Variants in NRXN3 observed in about 807,000 individuals in gnomAD.
NRXN3 encodes the protein neurexin III.
In NRXN3, 32 loss-of-function variants were observed where a neutral mutation model predicts 137.6. That is an observed-to-expected ratio of 0.23 (90% CI 0.18 to 0.31). The LOEUF (loss-of-function observed/expected upper bound fraction) is 0.31. Among genes scored for constraint, NRXN3 ranks in the 10% least tolerant of loss-of-function variants. The pLI is 1.00. For missense variants in NRXN3, 1,574 were observed against 2,062.5 expected (o/e 0.76, Z 4.59); for synonymous variants, 798 against 784.5 (o/e 1.02, Z -0.29).
intron 19 of NRXN3, among the ~76,000 whole-genome samples, chr14:79,757,970 A>G (rs1479610892): frequency 2.6e-5 from 4 of 152,178 alleles, no homozygotes; most frequent in African/African-American, 2.4e-5. Context: ...TAAGAAATAT[A>G]CTTTTTTTCC....
intron 4 of NRXN3, among the ~76,000 whole-genome samples, chr14:78,367,481 A>G (rs1262997105): frequency 1.3e-5 from 2 of 152,170 alleles, no homozygotes; most frequent in African/African-American, 2.4e-5. Flanking sequence ...TCCTCCAGTA[A>G]TACTGATTAT....
At chr14:79,846,011 A>G (rs1366383553) in intron 20 of NRXN3, among the ~76,000 whole-genome samples, 2 of 152,170 alleles carry the variant, frequency 1.3e-5, no homozygotes, top group Admixed American at 6.6e-5. Context: ...TAAGTTCACT[A>G]TCTTATGAGT....
rs77551524 is a variant in NRXN3, at chr14:78,481,171, C to T, written c.758-163949C>T. On this transcript the variant is annotated intron_variant, in intron 4 of 20. Transcript: ENST00000335750. ...AATAAAATGATTTTTAACTAAAACT[C>T]AGAGTCCACAGGTAAGAGGGAGAGA... is the stretch of plus-strand genomic sequence containing the variant. Among the ~76,000 whole-genome samples the T allele has an allele frequency of 6.3e-3, 958 of 152,252 alleles. 7 individuals carry two copies. Among genetic ancestry groups the T allele is most frequent in the African/African-American group, 0.022 (904 of 41,544 alleles).
At chr14:78,687,350 A>G (rs1013621641) in intron 6 of NRXN3, among the ~76,000 whole-genome samples, 1 of 152,198 alleles carries the variant, frequency 6.6e-6, no homozygotes, top group African/African-American at 2.4e-5. Flanking sequence ...GAAGATACAT[A>G]GATGGCTGTT....
chr14:79,452,691 G>A (rs541563920), intron 15 of NRXN3, among the ~76,000 whole-genome samples: 13 of 152,274 alleles, frequency 8.5e-5, no homozygotes, highest in African/African-American at 3.1e-4. Context: ...GGAGGAAGAG[G>A]TATTGAGATG....
chr14:78,628,586 T>C (rs2097489854), intron 4 of NRXN3, among the ~76,000 whole-genome samples: 1 of 152,224 alleles, frequency 6.6e-6, no homozygotes, highest in Non-Finnish European at 1.5e-5. Flanking sequence ...AACACACAGT[T>C]AACTATGTTT....
chr14:78,184,725 G>A (rs191688343), intron 1 of NRXN3, among the ~76,000 whole-genome samples: 1 of 152,326 alleles, frequency 6.6e-6, no homozygotes, highest in East Asian at 1.9e-4. Flanking sequence ...GCGTAGAGAT[G>A]AGGACCAGGA....
chr14:79,382,276 T>A (rs2094492149), intron 15 of NRXN3, among the ~76,000 whole-genome samples: 1 of 152,084 alleles, frequency 6.6e-6, no homozygotes, highest in Non-Finnish European at 1.5e-5. Context: ...CAATTTTGGG[T>A]AAAAAAGGCA....
At chr14:79,612,753 A>G (rs2098118072) in intron 16 of NRXN3, among the ~76,000 whole-genome samples, 1 of 152,156 alleles carries the variant, frequency 6.6e-6, no homozygotes, top group South Asian at 2.1e-4. Context: ...CAGGAGGCTG[A>G]GGTGGATCGC....
At chr14:78,383,707 C>T (rs576875831) in intron 4 of NRXN3, among the ~76,000 whole-genome samples, 1 of 152,206 alleles carries the variant, frequency 6.6e-6, no homozygotes, top group Admixed American at 6.5e-5. Flanking sequence ...ATTAGCCACT[C>T]ATTGGGGTGT....
At chr14:79,498,727 A>G (rs2096791002) in intron 16 of NRXN3, among the ~76,000 whole-genome samples, 1 of 152,220 alleles carries the variant, frequency 6.6e-6, no homozygotes, top group Non-Finnish European at 1.5e-5. Flanking sequence ...CACTCGAGTC[A>G]TCTCTTACCT....
chr14:79,093,098 A>T (rs545649552), intron 15 of NRXN3, among the ~76,000 whole-genome samples: 1 of 152,312 alleles, frequency 6.6e-6, no homozygotes, highest in Non-Finnish European at 1.5e-5. Flanking sequence ...GTGAAACAAT[A>T]ACATACAGTC....
chr14:79,344,766 A>C (rs2092785844), intron 15 of NRXN3, among the ~76,000 whole-genome samples: 1 of 152,188 alleles, frequency 6.6e-6, no homozygotes, highest in Non-Finnish European at 1.5e-5. Flanking sequence ...TATTCCTCTT[A>C]CTAAAAAGTT....
chr14:78,895,146 A>G (rs2099169855), intron 10 of NRXN3, among the ~76,000 whole-genome samples: 1 of 151,746 alleles, frequency 6.6e-6, no homozygotes, highest in African/African-American at 2.4e-5. Context: ...TCAGGTATTG[A>G]TGTCTCCTCT....
chr14:79,233,313 G>A (rs2199789), intron 15 of NRXN3, among the ~76,000 whole-genome samples: 10,015 of 152,136 alleles, frequency 0.066, 557 homozygotes, highest in Admixed American at 0.15. Context: ...TCAACTGTGC[G>A]CAACGTGCTG....
intron 4 of NRXN3, among the ~76,000 whole-genome samples, chr14:78,624,659 A>G (rs1314393248): frequency 6.6e-6 from 1 of 152,192 alleles, no homozygotes; most frequent in Non-Finnish European, 1.5e-5. Context: ...GAAGTCTAGG[A>G]TGGCAAGATA....
At chr14:79,192,537 T>C (rs1487769214) in intron 15 of NRXN3, among the ~76,000 whole-genome samples, 1 of 152,140 alleles carries the variant, frequency 6.6e-6, no homozygotes, top group East Asian at 1.9e-4. Flanking sequence ...CAATGCTATT[T>C]AACCTCAAAT....
intron 11 of NRXN3, among the ~76,000 whole-genome samples, chr14:78,962,741 T>A (rs982244647): frequency 6.6e-6 from 1 of 151,952 alleles, no homozygotes; most frequent in Non-Finnish European, 1.5e-5. Context: ...TGAGACGGAC[T>A]CTTGCTTTGT....
intron 4 of NRXN3, among the ~76,000 whole-genome samples, chr14:78,497,314 G>T (rs903087699): frequency 6.6e-6 from 1 of 152,080 alleles, no homozygotes; most frequent in Non-Finnish European, 1.5e-5. Flanking sequence ...ATGAAATTAT[G>T]CAATCACACT....
Sources: gnomAD v4.1 joint callset for allele counts (sites outside exome capture counted in the v4.1 genomes callset) on GRCh38, gnomAD v4.1.1 for gene constraint, MANE v1.5 for transcripts, NCBI Gene and HGNC (gene_info 2026-07-23, HGNC 2026-07-21) for gene names.